Variants in SLC9A9 observed in about 807,000 individuals in gnomAD.
The protein encoded by SLC9A9 is sodium/hydrogen exchanger 9.
In SLC9A9, 62 loss-of-function variants were observed where a neutral mutation model predicts 77.8. That is an observed-to-expected ratio of 0.80 (90% CI 0.65 to 0.98). The LOEUF (loss-of-function observed/expected upper bound fraction) is 0.98, where lower values mean the gene tolerates loss of function less well. Ranked by LOEUF, SLC9A9 falls within the 50% of genes least tolerant of loss-of-function variation. SLC9A9 has a pLI of 0.00. For synonymous variants in SLC9A9, 320 were observed against 283.5 expected (o/e 1.13, Z -1.29); for missense variants, 775 against 774.9 (o/e 1.00, Z 0.00).
intron 12 of SLC9A9, among the ~76,000 whole-genome samples, chr3:143,388,437 G>A (rs1272159534): frequency 6.6e-6 from 1 of 152,150 alleles, no homozygotes; most frequent in African/African-American, 2.4e-5. Flanking sequence ...TCCATTATTT[G>A]CTACTTCTAT....
intron 6 of SLC9A9, among the ~76,000 whole-genome samples, chr3:143,606,436 C>CTCTATATATATATATA (rs1419410834): frequency 1.8e-3 from 98 of 54,190 alleles, no homozygotes; most frequent in East Asian, 5.2e-3. Context: ...CTCTCTCTCT[C>CTCTATATATATATATA]TATATATATA....
intron 2 of SLC9A9, 47 bp from the exon 3 acceptor site, chr3:143,796,950 T>C: frequency 6.8e-7 from 1 of 1,467,168 alleles, no homozygotes; most frequent in African/African-American, 1.4e-5. Context: ...CTCCTTTGGG[T>C]CATTAAAAAA....
intron 12 of SLC9A9, among the ~76,000 whole-genome samples, chr3:143,413,784 G>A (rs2034141517): frequency 6.8e-6 from 1 of 146,256 alleles, no homozygotes; most frequent in Admixed American, 6.8e-5. Context: ...TATTAACTGT[G>A]TGTGTGTGTG....
intron 12 of SLC9A9, among the ~76,000 whole-genome samples, chr3:143,438,367 A>G (rs2034664917): frequency 6.6e-6 from 1 of 152,212 alleles, no homozygotes; most frequent in South Asian, 2.1e-4. Context: ...GGCAGTGCCC[A>G]GAGTTCTGTG....
intron 4 of SLC9A9, among the ~76,000 whole-genome samples, chr3:143,751,079 T>C: frequency 6.6e-6 from 1 of 152,170 alleles, no homozygotes; most frequent in East Asian, 1.9e-4. Context: ...TTCAAGGAGA[T>C]AGGAAGTCAT....
At chr3:143,786,147 G>A (rs576521716) in intron 4 of SLC9A9, among the ~76,000 whole-genome samples, 2 of 152,174 alleles carry the variant, frequency 1.3e-5, no homozygotes, top group South Asian at 4.1e-4. Context: ...GAGCCACCGC[G>A]CCCGGCCAAC....
In SLC9A9 at chr3:143,578,632, C is replaced by T. The variant is rs367928449; in HGVS notation, c.847G>A (p.Ala283Thr). 46 of 1,613,924 alleles carry T rather than the reference C, an allele frequency of 2.9e-5. No individual in the cohort carries two copies. Among genetic ancestry groups the T allele is most frequent in the South Asian group, 2.4e-4 (22 of 91,090 alleles). The change falls in exon 7 of 16, where the codon GCT (alanine) becomes ACT (threonine). Residue 283 changes from alanine (A) to threonine (T), a missense_variant. Ala to Thr is a moderately conservative substitution (Grantham distance 58). Coordinates refer to ENST00000316549, the MANE Select transcript of SLC9A9 (RefSeq NM_173653.4). The stretch of plus-strand genomic sequence containing the variant: ...GCAGACCCCATTGCAAATGAGCCAG[C>T]GAAGATTCCCAGGAAATTCCCCACA... ...QSVGNFLGIF[A>T]GSFAMGSAYA...
chr3:143,760,913 G>A (rs1357826900), intron 4 of SLC9A9, among the ~76,000 whole-genome samples: 1 of 152,162 alleles, frequency 6.6e-6, no homozygotes, highest in Non-Finnish European at 1.5e-5. Context: ...AACAAAGCTG[G>A]AGGCATCATG....
At chr3:143,821,072 G>A (rs779832939) in intron 2 of SLC9A9, among the ~76,000 whole-genome samples, 1 of 152,164 alleles carries the variant, frequency 6.6e-6, no homozygotes, top group Admixed American at 6.5e-5. Context: ...GCACCCTTGA[G>A]GGGACTGGGG....
chr3:143,702,055 T>C (rs1416924773), intron 4 of SLC9A9, among the ~76,000 whole-genome samples: 6 of 152,192 alleles, frequency 3.9e-5, no homozygotes, highest in Non-Finnish European at 7.4e-5. Flanking sequence ...CCTAGAATAG[T>C]ATATCTGGTG....
intron 14 of SLC9A9, chr3:143,314,465 T>G (rs1250627195): frequency 6.6e-6 from 1 of 152,208 alleles, no homozygotes; most frequent in Admixed American, 6.5e-5. Context: ...TTCTAGGGCT[T>G]GAAAGGGGAT....
At chr3:143,781,317 G>A (rs2007875300) in intron 4 of SLC9A9, among the ~76,000 whole-genome samples, 1 of 152,136 alleles carries the variant, frequency 6.6e-6, no homozygotes, top group Admixed American at 6.5e-5. Context: ...GAAAAGTTGG[G>A]AATTGTTTCA....
intron 4 of SLC9A9, among the ~76,000 whole-genome samples, chr3:143,701,879 A>T (rs1374781990): frequency 1.3e-5 from 2 of 152,174 alleles, no homozygotes; most frequent in African/African-American, 4.8e-5. Context: ...TCAAACTCCC[A>T]AAAGTCAAGG....
At chr3:143,479,953 T>G (rs1488522000) in intron 11 of SLC9A9, among the ~76,000 whole-genome samples, 1 of 152,220 alleles carries the variant, frequency 6.6e-6, no homozygotes, top group Non-Finnish European at 1.5e-5. Flanking sequence ...ACTCCCATTG[T>G]GAGTATCTCC....
At chr3:143,345,048 T>A (rs1273291137) in intron 14 of SLC9A9, among the ~76,000 whole-genome samples, 1 of 152,172 alleles carries the variant, frequency 6.6e-6, no homozygotes, top group Non-Finnish European at 1.5e-5. Flanking sequence ...CATAACAGAA[T>A]GAAGGAAATG....
At chr3:143,840,587 C>T (rs1320611122) in intron 1 of SLC9A9, among the ~76,000 whole-genome samples, 3 of 152,182 alleles carry the variant, frequency 2.0e-5, no homozygotes, top group Admixed American at 1.3e-4. Flanking sequence ...TCAACTCCAG[C>T]TACTTAATAT....
At chr3:143,728,643 C>T (rs532049052) in intron 4 of SLC9A9, among the ~76,000 whole-genome samples, 82 of 152,030 alleles carry the variant, frequency 5.4e-4, no homozygotes, top group African/African-American at 2.0e-3. Flanking sequence ...TGAGTGGAAG[C>T]GCAGAGGCCA....
intron 6 of SLC9A9, among the ~76,000 whole-genome samples, chr3:143,607,781 G>A: frequency 6.6e-6 from 1 of 151,156 alleles, no homozygotes; most frequent in African/African-American, 2.4e-5. Context: ...CACAAAATAA[G>A]GTATGAGATA....
intron 12 of SLC9A9, among the ~76,000 whole-genome samples, chr3:143,431,450 C>G (rs2034512418): frequency 6.6e-6 from 1 of 151,520 alleles, no homozygotes; most frequent in South Asian, 2.1e-4. Context: ...TAGATCACAT[C>G]CCTTGTTGCG....
Sources: allele counts gnomAD v4.1 joint callset (sites outside exome capture counted in the v4.1 genomes callset), GRCh38; gene constraint gnomAD v4.1.1; transcripts MANE v1.5; gene names NCBI Gene and HGNC (gene_info 2026-07-23, HGNC 2026-07-21).